MAP3K20: variants seen among roughly 807,000 people sequenced by gnomAD.
MAP3K20 encodes HCCS-4.
In MAP3K20, 40 loss-of-function variants were observed where a neutral mutation model predicts 85.7. That is an observed-to-expected ratio of 0.47 (90% CI 0.36 to 0.61). MAP3K20 has a LOEUF of 0.61. Ranked by LOEUF, MAP3K20 falls within the 20% of genes least tolerant of loss-of-function variation. The pLI, the probability that MAP3K20 is intolerant of heterozygous loss-of-function variation, is 0.00. For missense variants in MAP3K20, 817 were observed against 961.7 expected, an observed-to-expected ratio of 0.85 and a Z score of 1.99; for synonymous variants, 325 against 327.7, an observed-to-expected ratio of 0.99 and a Z score of 0.09.
chr2:173,152,762 C>T (rs967021918), intron 2 of MAP3K20, among the ~76,000 whole-genome samples: 2 of 152,108 alleles, frequency 1.3e-5, no homozygotes, highest in African/African-American at 2.4e-5. Flanking sequence ...CCACAAGTTA[C>T]GTAGGTCAAC....
At chr2:173,140,586 G>A (rs894444280) in intron 2 of MAP3K20, among the ~76,000 whole-genome samples, 3 of 152,082 alleles carry the variant, frequency 2.0e-5, no homozygotes, top group Non-Finnish European at 4.4e-5. Flanking sequence ...CCAACCTCAG[G>A]TGATCCACCC....
At chr2:173,256,530 T>TAGACAGACAGACAGAC (rs1283624689) in intron 16 of MAP3K20, among the ~76,000 whole-genome samples, 12 of 148,220 alleles carry the variant, frequency 8.1e-5, no homozygotes, top group Admixed American at 3.4e-4. Flanking sequence ...GATAGATAGA[T>TAGACAGACAGACAGAC]AGACAGACAG....
chr2:173,141,013 GA>G (rs1688955582), intron 2 of MAP3K20, among the ~76,000 whole-genome samples: 1 of 152,012 alleles, frequency 6.6e-6, no homozygotes, highest in Non-Finnish European at 1.5e-5. Context: ...ACTAGATTAT[GA>G]TATTTTATAT....
At chr2:173,261,876 G>T (rs1685302452) in intron 18 of MAP3K20, among the ~76,000 whole-genome samples, 1 of 152,058 alleles carries the variant, frequency 6.6e-6, no homozygotes, top group Non-Finnish European at 1.5e-5. Context: ...AAGTAGCCAG[G>T]TGTGGTGGCA....
intron 16 of MAP3K20, among the ~76,000 whole-genome samples, chr2:173,253,760 T>G (rs1264851769): frequency 1.3e-5 from 2 of 152,178 alleles, no homozygotes; most frequent in Non-Finnish European, 2.9e-5. Context: ...ATCACTCACC[T>G]CAAGCTAAAA....
intron 2 of MAP3K20, among the ~76,000 whole-genome samples, chr2:173,112,339 CAT>C (rs1164159275): frequency 6.6e-6 from 1 of 152,120 alleles, no homozygotes; most frequent in Non-Finnish European, 1.5e-5. Context: ...GGTAAACAAT[CAT>C]ATCATCAGCA....
chr2:173,217,184 G>A lies in MAP3K20; in HGVS notation c.921G>A (p.Glu307=). The A allele has an allele frequency of 1.2e-6, 2 of 1,608,120 alleles. No individual in the cohort carries two copies. Among genetic ancestry groups the A allele is most frequent in the Admixed American group, 3.4e-5 (2 of 59,408 alleles). The part of the protein sequence containing the change: ...LERDLSFKEQ[E]LKERERRLKM... Reference sequence around the variant, plus strand: ...GTGATCTCAGCTTTAAGGAGCAGGAGCTTAAAGAACGAGAAAGACGTTTAA... The same window carrying A: ...GTGATCTCAGCTTTAAGGAGCAGGAACTTAAAGAACGAGAAAGACGTTTAA... Residue 307 remains glutamate, a synonymous_variant, in exon 11 of 20, where the codon GAG becomes GAA. Transcript: ENST00000375213.
intron 2 of MAP3K20, among the ~76,000 whole-genome samples, chr2:173,100,807 A>G (rs1042526838): frequency 2.6e-5 from 4 of 152,244 alleles, no homozygotes; most frequent in Admixed American, 2.6e-4. Flanking sequence ...TATATAAATC[A>G]TCATTTTGAA....
intron 2 of MAP3K20, among the ~76,000 whole-genome samples, chr2:173,097,568 T>C (rs946132543): frequency 3.9e-5 from 6 of 152,166 alleles, no homozygotes; most frequent in Admixed American, 2.6e-4. Context: ...TAAGAGGTAA[T>C]ATATAAGGCC....
intron 2 of MAP3K20, among the ~76,000 whole-genome samples, chr2:173,137,733 A>G (rs1164223984): frequency 6.6e-5 from 10 of 152,200 alleles, no homozygotes; most frequent in Admixed American, 1.3e-4. Flanking sequence ...TTATTTTTAC[A>G]GTTTTTAAAG....
intron 11 of MAP3K20, among the ~76,000 whole-genome samples, chr2:173,229,250 C>T (rs1684461761): frequency 6.6e-6 from 1 of 152,176 alleles, no homozygotes; most frequent in South Asian, 2.1e-4. Context: ...TGAGATCTTT[C>T]AACACTTAGA....
intron 4 of MAP3K20, among the ~76,000 whole-genome samples, chr2:173,183,792 A>G (rs935165525): frequency 6.6e-6 from 1 of 152,150 alleles, no homozygotes; most frequent in Non-Finnish European, 1.5e-5. Context: ...CTCTACAAGC[A>G]TCTCTTTACA....
chr2:173,196,111 C>T (rs924493742), intron 7 of MAP3K20, among the ~76,000 whole-genome samples: 13 of 152,176 alleles, frequency 8.5e-5, no homozygotes, highest in Non-Finnish European at 4.4e-5. Flanking sequence ...GCAGGCCAAA[C>T]TCAGAAGAGG....
chr2:173,147,735 T>C (rs964313040), intron 2 of MAP3K20, among the ~76,000 whole-genome samples: 1 of 151,956 alleles, frequency 6.6e-6, no homozygotes, highest in East Asian at 1.9e-4. Flanking sequence ...TACAGGCGCC[T>C]GCCACCACGC....
intron 16 of MAP3K20, among the ~76,000 whole-genome samples, 156 bp from the exon 17 acceptor site, chr2:173,258,543 G>A (rs959395825): frequency 6.8e-6 from 1 of 147,182 alleles, no homozygotes; most frequent in African/African-American, 2.5e-5. Flanking sequence ...GATATACATA[G>A]GAATCTAATT....
chr2:173,134,430 T>TA (rs1559246153), intron 2 of MAP3K20, among the ~76,000 whole-genome samples: 8 of 21,204 alleles, frequency 3.8e-4, no homozygotes, highest in African/African-American at 1.3e-3. Flanking sequence ...ATATATATAT[T>TA]TTTTTTTTTT....
At chr2:173,226,775 ACT>A in intron 11 of MAP3K20, 1 of 985,456 alleles carries the variant, frequency 1.0e-6, no homozygotes, top group East Asian at 1.1e-4. Flanking sequence ...TTGCTTTTGC[ACT>A]CTTAAAATTT....
chr2:173,234,462 A>T (rs1214078164), intron 14 of MAP3K20, among the ~76,000 whole-genome samples: 1 of 152,212 alleles, frequency 6.6e-6, no homozygotes, highest in Non-Finnish European at 1.5e-5. Flanking sequence ...TGCACACAGC[A>T]TCCCCTTGGC....
chr2:173,128,312 CTTATTTATTTATTTATTTATTTAT>C (rs59187122), intron 2 of MAP3K20, among the ~76,000 whole-genome samples: 17 of 145,926 alleles, frequency 1.2e-4, no homozygotes, highest in African/African-American at 4.3e-4. Flanking sequence ...TTATAGTTGA[CTTATTTATTTATTTATTTATTTAT>C]TTATTTATTT....
Sources: gnomAD v4.1 joint callset for allele counts (sites outside exome capture counted in the v4.1 genomes callset) on GRCh38, gnomAD v4.1.1 for gene constraint, MANE v1.5 for transcripts, NCBI Gene and HGNC (gene_info 2026-07-23, HGNC 2026-07-21) for gene names.